DZANK1: variants seen among roughly 807,000 people sequenced by gnomAD.
DZANK1 encodes the protein double zinc ribbon and ankyrin repeat-containing protein 1.
In DZANK1, 91 loss-of-function variants were observed where a neutral mutation model predicts 94.5. The observed-to-expected ratio is 0.96, with a 90% CI of 0.81 to 1.15. DZANK1 has a LOEUF of 1.15. DZANK1 is among the 50% of genes most tolerant of loss of function. The probability of loss-of-function intolerance (pLI) is 0.00; values close to 1 mark genes in which losing one functional copy is unlikely to be tolerated. For missense variants in DZANK1, 903 were observed against 916.4 expected (o/e 0.99, Z 0.19); for synonymous variants, 312 against 325.3 (o/e 0.96, Z 0.44).
chr20:18,448,139 C>A (rs1231287172), intron 7 of DZANK1, among the ~76,000 whole-genome samples: 1 of 152,098 alleles, frequency 6.6e-6, no homozygotes, highest in East Asian at 1.9e-4. Flanking sequence ...AACACAAATT[C>A]CCATCAATAA....
intron 7 of DZANK1, among the ~76,000 whole-genome samples, chr20:18,448,239 T>C (rs952139669): frequency 2.6e-5 from 4 of 152,186 alleles, no homozygotes; most frequent in Non-Finnish European, 5.9e-5. Context: ...AGGAACAACA[T>C]AGATGAATCT....
rs749970927 is a variant in DZANK1, at chr20:18,460,289, T to C, written c.127A>G (p.Ile43Val). The C allele has an allele frequency of 5.1e-6, 8 of 1,563,578 alleles. No homozygotes were observed. In the East Asian group the frequency reaches 9.1e-5, roughly 18 times the overall value. The change falls in exon 3 of 21, where the codon ATA becomes GTA. Residue 43 changes from isoleucine to valine, a missense_variant. Physicochemically the swap from Ile to Val is conservative, Grantham distance 29. Transcript: ENST00000262547. ...TTGCTGCCATCCAGAGTATAATATATGTTGACATCTGGAGTGTCTGAAAAA... is the reference window on the plus strand; with the variant it reads ...TTGCTGCCATCCAGAGTATAATATACGTTGACATCTGGAGTGTCTGAAAAA...
Position 18,406,647 on chromosome 20 carries a change from T to C in DZANK1, c.1432+5999A>G, listed in dbSNP as rs148732552. Among the ~76,000 whole-genome samples, 525 of 152,340 alleles carry C rather than the reference T, an allele frequency of 3.4e-3. 6 individuals are homozygous for C. Among genetic ancestry groups the C allele is most frequent in the African/African-American group, 0.012 (503 of 41,574 alleles). On this transcript the variant is annotated intron_variant, in intron 13 of 20. Transcript: ENST00000262547. ...GTAGTGGCTATGGTGCAAGACTCAT[T>C]CTGTTTGAGAAAAGCAGAGGGAAAA...
In DZANK1 at chr20:18,393,733, T is replaced by G. The variant is rs779602289; in HGVS notation, c.1787A>C (p.Gln596Pro). The change falls in exon 17 of 21, where the codon CAA becomes CCA. Residue 596 changes from glutamine to proline, a missense_variant. Transcript: ENST00000262547. ...TACTATAAGCTGCTCCTTCTTTTCTTGAAAAGTTTTGGTCTTGAAATTCTT... is the reference window on the plus strand; with the variant it reads ...TACTATAAGCTGCTCCTTCTTTTCTGGAAAAGTTTTGGTCTTGAAATTCTT... The G allele has an allele frequency of 3.1e-6, 5 of 1,611,228 alleles. No homozygotes were observed. In the South Asian group the frequency reaches 5.5e-5, roughly 18 times the overall value.
chr20:18,411,775 A>T (rs1051433901), intron 13 of DZANK1, among the ~76,000 whole-genome samples: 6 of 152,224 alleles, frequency 3.9e-5, no homozygotes, highest in African/African-American at 1.4e-4. Flanking sequence ...TGGGTAATTT[A>T]TAAAGAACAG....
At chr20:18,431,158 T>G (rs866924231) in intron 9 of DZANK1, among the ~76,000 whole-genome samples, 5 of 152,186 alleles carry the variant, frequency 3.3e-5, no homozygotes, top group South Asian at 2.1e-4. Flanking sequence ...AATCTTCTCT[T>G]ATTCTGAAAT....
Position 18,385,097 on chromosome 20 carries a change from A to AG in DZANK1, c.2019-8dup. 6.4e-7 allele frequency: 1 copy of AG among 1,552,124 alleles called. No individual in the cohort carries two copies. On this transcript the variant is annotated splice_region_variant and splice_polypyrimidine_tract_variant and intron_variant, in intron 19 of 20. Transcript: ENST00000262547. ...AAGAGCTGTATTTCTGAGCCTAATG[A>AG]GGGGGGAAAAATCCTGGATAAATCC...
intron 6 of DZANK1, among the ~76,000 whole-genome samples, chr20:18,451,224 G>C (rs546008722): frequency 6.6e-6 from 1 of 152,162 alleles, no homozygotes; most frequent in Non-Finnish European, 1.5e-5. Context: ...GATTACAGGC[G>C]TGAGCCACCA....
intron 19 of DZANK1, among the ~76,000 whole-genome samples, chr20:18,386,891 C>G (rs1311486499): frequency 6.7e-6 from 1 of 150,234 alleles, no homozygotes; most frequent in African/African-American, 2.5e-5. Context: ...AAAAACAGGT[C>G]ACAAATGAAG....
At chr20:18,397,972 C>G (rs541382928) in intron 14 of DZANK1, among the ~76,000 whole-genome samples, 1 of 152,190 alleles carries the variant, frequency 6.6e-6, no homozygotes, top group Non-Finnish European at 1.5e-5. Flanking sequence ...GTTAGTCAAA[C>G]AGTCACAGAC....
At chr20:18,389,591 A>C (rs985426701) in intron 19 of DZANK1, 110 bp downstream of exon 19, 7 of 1,447,852 alleles carry the variant, frequency 4.8e-6, no homozygotes, top group Non-Finnish European at 6.5e-6. Flanking sequence ...AAAATGGTTA[A>C]AGTGGCTGAA....
In DZANK1 at chr20:18,396,465, T is replaced by C. The variant is rs778508564; in HGVS notation, c.1611+7A>G. The C allele has an allele frequency of 4.4e-6, 7 of 1,609,048 alleles. No individual in the cohort carries two copies. In the East Asian group the frequency reaches 1.6e-4, roughly 36 times the overall value. ...CTCAAATGAATAACTTCTGGAGGCT[T>C]ACTCACCTTGTTTGAGACTTGACTA... On this transcript the variant is annotated splice_region_variant and intron_variant, in intron 15 of 20. Coordinates refer to ENST00000262547, the Ensembl canonical transcript of DZANK1.
chr20:18,399,840 C>CTTG (rs2056574904), intron 13 of DZANK1, among the ~76,000 whole-genome samples: 2 of 152,196 alleles, frequency 1.3e-5, no homozygotes, highest in Non-Finnish European at 1.5e-5. Flanking sequence ...CAGCCAGCCA[C>CTTG]AGCCCCTGCT....
At chr20:18,389,901 A>C (rs1007104291) in intron 18 of DZANK1, 73 bp from the exon 19 acceptor site, 2 of 1,587,820 alleles carry the variant, frequency 1.3e-6, no homozygotes, top group Admixed American at 1.7e-5. Flanking sequence ...CATCCTATGA[A>C]GTATAACAGA....
At chr20:18,389,587 G>A (rs2055837604) in intron 19 of DZANK1, 114 bp downstream of exon 19, 1 of 1,435,180 alleles carries the variant, frequency 7.0e-7, no homozygotes, top group African/African-American at 1.4e-5. Context: ...GGTTAAAATG[G>A]TTAAAGTGGC....
At chr20:18,453,180 A>G (rs980317645) in intron 5 of DZANK1, among the ~76,000 whole-genome samples, 5 of 152,214 alleles carry the variant, frequency 3.3e-5, no homozygotes, top group African/African-American at 4.8e-5. Context: ...TAAGAACGAA[A>G]CATTCAACTC....
At chr20:18,420,639 TC>T in intron 10 of DZANK1, 1 of 203,858 alleles carries the variant, frequency 4.9e-6, no homozygotes, top group Non-Finnish European at 1.1e-5. Context: ...CCTTTGACAG[TC>T]CCCACATGTG....
chr20:18,418,358 A>G (rs1033702928), intron 10 of DZANK1, among the ~76,000 whole-genome samples: 3 of 152,178 alleles, frequency 2.0e-5, no homozygotes, highest in Non-Finnish European at 4.4e-5. Context: ...CAAGAAAGAG[A>G]GAAGATCTTC....
chr20:18,455,281 T>C lies in DZANK1; in HGVS notation c.344A>G (p.Asn115Ser), dbSNP rs533500499. Residue 115 changes from asparagine (N) to serine (S), a missense_variant, in exon 4 of 21, where the codon AAT becomes AGT. Coordinates refer to ENST00000262547, the Ensembl canonical transcript of DZANK1. ...AGAATCTTTGAGAACATTTTCAACATTGTCTTCAGGAGAGACTATATTTGG... is the reference window on the plus strand; with the variant it reads ...AGAATCTTTGAGAACATTTTCAACACTGTCTTCAGGAGAGACTATATTTGG... 2.8e-4 allele frequency: 449 copies of C among 1,608,094 alleles called. 5 individuals are homozygous for C. In the South Asian group the frequency reaches 4.7e-3, roughly 17 times the overall value.
Sources: allele counts gnomAD v4.1 joint callset (sites outside exome capture counted in the v4.1 genomes callset), GRCh38; gene constraint gnomAD v4.1.1; transcripts MANE v1.5; gene names NCBI Gene and HGNC (gene_info 2026-07-23, HGNC 2026-07-21).